VRK2: variants seen among roughly 807,000 people sequenced by gnomAD.
VRK2 encodes the protein serine/threonine-protein kinase VRK2.
VRK2 carries 60 observed loss-of-function variants against 57.6 expected under a neutral mutation model. The ratio of observed to expected loss-of-function variants is 1.04; its 90% CI spans 0.85 to 1.29. The LOEUF (loss-of-function observed/expected upper bound fraction) is 1.29. Ranked by LOEUF, VRK2 falls within the 50% of genes most tolerant of loss-of-function variation. VRK2 has a pLI of 0.00. For missense variants in VRK2, 705 were observed against 588.1 expected, an observed-to-expected ratio of 1.20 and a Z score of -2.06; for synonymous variants, 231 against 199.2, an observed-to-expected ratio of 1.16 and a Z score of -1.35.
chr2:58,032,245 T>A (rs775866957), intron 2 of VRK2, among the ~76,000 whole-genome samples: 1 of 152,092 alleles, frequency 6.6e-6, no homozygotes, highest in Non-Finnish European at 1.5e-5. Context: ...TCCCGGTATG[T>A]TGTCTTAGTC....
chr2:58,019,727 C>T (rs72949131), intron 1 of VRK2, among the ~76,000 whole-genome samples: 9,821 of 152,244 alleles, frequency 0.065, 1,069 homozygotes, highest in African/African-American at 0.22. Context: ...CATCTAACTA[C>T]TTCTCAGACA....
At chr2:57,961,432 T>C (rs905725025) in intron 1 of VRK2, among the ~76,000 whole-genome samples, 1 of 152,080 alleles carries the variant, frequency 6.6e-6, no homozygotes, top group Non-Finnish European at 1.5e-5. Context: ...GTCACAGATA[T>C]AGTAAGATAA....
At chr2:58,141,319 T>C (rs1384640390) in intron 11 of VRK2, among the ~76,000 whole-genome samples, 1 of 152,038 alleles carries the variant, frequency 6.6e-6, no homozygotes, top group Non-Finnish European at 1.5e-5. Context: ...AACTGATAGC[T>C]ATATCCTCTG....
intron 1 of VRK2, among the ~76,000 whole-genome samples, chr2:57,932,754 A>G (rs1164732510): frequency 1.3e-5 from 2 of 151,686 alleles, no homozygotes; most frequent in African/African-American, 4.8e-5. Context: ...GTTCTTCTTT[A>G]TCTAGTTCCT....
chr2:58,099,276 A>G (rs1009744601), intron 7 of VRK2, among the ~76,000 whole-genome samples: 6 of 152,020 alleles, frequency 3.9e-5, no homozygotes. Context: ...TTTTCATGCA[A>G]CAGTTTATAT....
chr2:58,106,338 C>T (rs1172499567), intron 7 of VRK2, among the ~76,000 whole-genome samples: 1 of 151,976 alleles, frequency 6.6e-6, no homozygotes, highest in Admixed American at 6.6e-5. Context: ...CCTGTTAAGT[C>T]ACAGTCCTAT....
At chr2:57,969,248 G>T (rs1356076594) in intron 1 of VRK2, among the ~76,000 whole-genome samples, 2 of 151,858 alleles carry the variant, frequency 1.3e-5, no homozygotes, top group Non-Finnish European at 2.9e-5. Context: ...AATGTATTGG[G>T]AACTAATAAA....
chr2:58,131,983 T>G, intron 9 of VRK2, 55 bp downstream of exon 9: 1 of 1,601,228 alleles, frequency 6.2e-7, no homozygotes, highest in Non-Finnish European at 8.5e-7. Context: ...AGGGATACAT[T>G]AAAGGGAGCT....
intron 8 of VRK2, among the ~76,000 whole-genome samples, chr2:58,127,115 G>A (rs1422789024): frequency 5.3e-5 from 8 of 151,786 alleles, no homozygotes; most frequent in African/African-American, 1.9e-4. Flanking sequence ...AATATGTTTA[G>A]TATCAAAGAA....
At chr2:58,056,356 A>C (rs1676517407) in intron 2 of VRK2, among the ~76,000 whole-genome samples, 1 of 152,212 alleles carries the variant, frequency 6.6e-6, no homozygotes, top group Non-Finnish European at 1.5e-5. Context: ...GTGCATTGTA[A>C]CTGCCAAGTA....
At chr2:58,123,052 G>C in intron 7 of VRK2, 49 bp from the exon 8 acceptor site, 2 of 1,557,524 alleles carry the variant, frequency 1.3e-6, no homozygotes, top group Non-Finnish European at 1.7e-6. Context: ...TAAAGGTTAT[G>C]TTTTCAGAGG....
intron 1 of VRK2, among the ~76,000 whole-genome samples, chr2:58,017,790 T>C (rs1371474648): frequency 6.6e-6 from 1 of 152,176 alleles, no homozygotes; most frequent in Non-Finnish European, 1.5e-5. Context: ...GTCAGTTACC[T>C]TATTTCTTAT....
intron 1 of VRK2, among the ~76,000 whole-genome samples, chr2:57,924,379 G>T (rs1177693721): frequency 6.6e-6 from 1 of 151,688 alleles, no homozygotes; most frequent in Non-Finnish European, 1.5e-5. Flanking sequence ...CCATTTTTTT[G>T]TGTGTCTTCA....
At chr2:57,990,080 T>G (rs1672715587) in intron 1 of VRK2, among the ~76,000 whole-genome samples, 1 of 152,176 alleles carries the variant, frequency 6.6e-6, no homozygotes, top group East Asian at 1.9e-4. Context: ...TTTTTCCTAT[T>G]AAGAAAAAAT....
intron 1 of VRK2, among the ~76,000 whole-genome samples, chr2:57,926,360 T>C (rs1368216796): frequency 6.6e-6 from 1 of 151,712 alleles, no homozygotes; most frequent in African/African-American, 2.4e-5. Context: ...GGGGTCTCTC[T>C]TTAGCCTTAA....
At chr2:58,088,613 G>C (rs1671960810) in intron 6 of VRK2, among the ~76,000 whole-genome samples, 167 bp downstream of exon 6, 1 of 152,196 alleles carries the variant, frequency 6.6e-6, no homozygotes, top group African/African-American at 2.4e-5. Context: ...AATGGGCTCT[G>C]TAAGTGACAG....
At chr2:58,053,679 T>C (rs1230434530) in intron 2 of VRK2, among the ~76,000 whole-genome samples, 4 of 152,184 alleles carry the variant, frequency 2.6e-5, no homozygotes, top group African/African-American at 9.6e-5. Context: ...GTGATAATAC[T>C]AGCAACAAAG....
At chr2:58,048,344 T>C (rs1572841808) in intron 1 of VRK2, among the ~76,000 whole-genome samples, 2 of 152,188 alleles carry the variant, frequency 1.3e-5, no homozygotes, top group East Asian at 3.8e-4. Context: ...GTACCTAGTA[T>C]CACGGTGGTG....
chr2:57,947,197 A>T (rs1671287726), intron 1 of VRK2, among the ~76,000 whole-genome samples: 1 of 152,208 alleles, frequency 6.6e-6, no homozygotes, highest in African/African-American at 2.4e-5. Context: ...AGCAACTACC[A>T]CCAGAGTTAA....
Sources: allele counts gnomAD v4.1 joint callset (sites outside exome capture counted in the v4.1 genomes callset), GRCh38; gene constraint gnomAD v4.1.1; transcripts MANE v1.5; gene names NCBI Gene and HGNC (gene_info 2026-07-23, HGNC 2026-07-21).